Variants in BCAP31 observed in about 807,000 individuals in gnomAD.
BCAP31 encodes the protein B cell receptor associated protein 31, also known as B-cell receptor-associated protein 31.
For missense variants in BCAP31, 124 were observed against 193.0 expected (o/e 0.64, Z 2.12); for synonymous variants, 75 against 80.9 (o/e 0.93, Z 0.39).
chrX:153,715,801 C>A, intron 3 of BCAP31, 112 bp from the exon 4 acceptor site: 1 of 932,969 alleles, frequency 1.1e-6, no homozygotes, highest in South Asian at 2.2e-5. Flanking sequence ...CCCTCAAATC[C>A]GCCTCCCCAG....
At chrX:153,721,100 C>T (rs1210120796) in intron 2 of BCAP31, 128 bp from the exon 3 acceptor site, 1 of 530,070 alleles carries the variant, frequency 1.9e-6, no homozygotes, top group Non-Finnish European at 3.0e-6. Flanking sequence ...CAAAGTCAGC[C>T]TCAGTGGCTT....
In BCAP31 at chrX:153,700,575, G is replaced by C. The variant is rs1246195055; in HGVS notation, c.*362C>G. 7 of 185,614 alleles carry C rather than the reference G, an allele frequency of 3.8e-5. No homozygotes were observed. The highest frequency in any genetic ancestry group is 1.2e-4 in the African/African-American group (4 of 32,692). The allele number at this position is 185,614 out of a possible 1,213,427, so 15.3% of individuals were successfully genotyped here. A position where few individuals can be genotyped will look rare whatever the true frequency, so the allele number is the denominator to read the frequency against. On this transcript the variant is annotated 3_prime_UTR_variant, in exon 8 of 8. Coordinates refer to ENST00000345046, the MANE Select transcript of BCAP31 (RefSeq NM_001256447.2). ...CCACCCACCCTCCTGCGGGACCAAA[G>C]AAAACACCCAGAGGGCAAAACAAAA...
At chrX:153,706,304 C>A (rs1277411857) in intron 4 of BCAP31, among the ~76,000 whole-genome samples, 1 of 111,773 alleles carries the variant, frequency 8.9e-6, no homozygotes, top group Non-Finnish European at 1.9e-5. Flanking sequence ...TCATTCTCCC[C>A]CCAGGAACCT....
intron 4 of BCAP31, among the ~76,000 whole-genome samples, chrX:153,714,408 C>G (rs782023550): frequency 9.9e-5 from 11 of 111,128 alleles, no homozygotes; most frequent in African/African-American, 3.6e-4. Context: ...CTGACTCCTC[C>G]CAGCCTTCCT....
At chrX:153,711,532 G>GGCCATGAGTACCTGCTCGC (rs1212212950) in intron 4 of BCAP31, among the ~76,000 whole-genome samples, 1 of 111,932 alleles carries the variant, frequency 8.9e-6, no homozygotes, top group Non-Finnish European at 1.9e-5. Context: ...AACCTGCTCG[G>GGCCATGAGTACCTGCTCGC]GCCATGAGTA....
chrX:153,722,016 G>T (rs1250705372), intron 2 of BCAP31, among the ~76,000 whole-genome samples: 3 of 111,963 alleles, frequency 2.7e-5, no homozygotes, highest in Non-Finnish European at 5.6e-5. Flanking sequence ...TCAAATGTTT[G>T]CCCCATACAC....
At chrX:153,713,878 ATTCT>A (rs2091608534) in intron 4 of BCAP31, among the ~76,000 whole-genome samples, 4 of 74,723 alleles carry the variant, frequency 5.4e-5, no homozygotes, top group East Asian at 4.0e-4. Context: ...TCCCGATACT[ATTCT>A]TTTTTTTTTT....
intron 5 of BCAP31, 129 bp from the exon 6 acceptor site, chrX:153,703,187 G>C: frequency 1.0e-6 from 1 of 965,897 alleles, no homozygotes; most frequent in Non-Finnish European, 1.4e-6. Context: ...ATGTCAACGC[G>C]GAACCGAGCC....
At position 153,704,069 on chromosome X, in the gene BCAP31, T is replaced by C. The variant is rs1557047950; in HGVS notation, c.367A>G (p.Ile123Val). ...SFLLRRLVTL[I>V]SQQATLLASN... The stretch of plus-strand genomic sequence containing the variant: ...GCCAGCAGCGTGGCCTGCTGCGAAA[T>C]GAGAGTCACCAGGCGTCTAAGCAGG... The change falls in exon 5 of 8, where the codon ATT becomes GTT. Residue 123 changes from isoleucine (I) to valine (V), a missense_variant. Transcript: ENST00000345046. 2 of 1,210,771 alleles carry C rather than the reference T, an allele frequency of 1.7e-6. No homozygotes were observed. The highest frequency in any genetic ancestry group is 2.2e-6 in the Non-Finnish European group (2 of 894,939).
intron 3 of BCAP31, among the ~76,000 whole-genome samples, chrX:153,716,017 T>A (rs1490191662): frequency 3.7e-5 from 4 of 108,767 alleles, no homozygotes; most frequent in African/African-American, 1.0e-4. Flanking sequence ...AAAAAAAAAT[T>A]TAGCCCGGCG....
intron 4 of BCAP31, among the ~76,000 whole-genome samples, chrX:153,707,483 G>A (rs1214761141): frequency 9.0e-6 from 1 of 111,387 alleles, no homozygotes; most frequent in African/African-American, 3.3e-5. Context: ...GAGGCTGCAC[G>A]TAAGGCTGGA....
At chrX:153,723,390 C>A (rs1557051505) in intron 1 of BCAP31, 102 bp from the exon 2 acceptor site, 3 of 1,127,165 alleles carry the variant, frequency 2.7e-6, no homozygotes, top group East Asian at 3.3e-5. Context: ...CCACCCTGAC[C>A]CCCTGCACTT....
At chrX:153,711,750 CA>C (rs2091592910) in intron 4 of BCAP31, among the ~76,000 whole-genome samples, 1 of 110,121 alleles carries the variant, frequency 9.1e-6, no homozygotes, top group Non-Finnish European at 1.9e-5. Context: ...ACTAAAAATA[CA>C]AAAATTAGCC....
chrX:153,710,102 G>A (rs2091580409), intron 4 of BCAP31, among the ~76,000 whole-genome samples: 2 of 112,277 alleles, frequency 1.8e-5, no homozygotes, highest in African/African-American at 6.5e-5. Context: ...TCGAGTTGGG[G>A]GAGAGCATGT....
At chrX:153,712,533 T>C (rs1557049368) in intron 4 of BCAP31, among the ~76,000 whole-genome samples, 1 of 112,343 alleles carries the variant, frequency 8.9e-6, no homozygotes. Flanking sequence ...CATGTGGTGC[T>C]TAAAAGCCCC....
chrX:153,718,611 A>G (rs2091645072), intron 3 of BCAP31, among the ~76,000 whole-genome samples: 1 of 112,587 alleles, frequency 8.9e-6, no homozygotes, highest in Non-Finnish European at 1.9e-5. Context: ...AAATGGGATT[A>G]TGGGGAGTTT....
rs1557051450 is a variant in BCAP31, at chrX:153,723,197, G to C, written c.48C>G (p.Val16=). The C allele has an allele frequency of 8.3e-7, 1 of 1,208,575 alleles. No homozygotes were observed. The highest frequency in any genetic ancestry group is 1.1e-6 in the Non-Finnish European group (1 of 894,560). ...GAATGCAGAGAAGCAACACAACAAAGACCTCCGCATAGAGGAAGGTGGCAA... is the reference window on the plus strand; with the variant it reads ...GAATGCAGAGAAGCAACACAACAAACACCTCCGCATAGAGGAAGGTGGCAA... ...TAVATFLYAE[V]FVVLLLCIPF... Residue 16 remains valine, a synonymous_variant, in exon 2 of 8, where the codon GTC becomes GTG. Transcript: ENST00000345046.
At chrX:153,709,848 G>A (rs2091578080) in intron 4 of BCAP31, among the ~76,000 whole-genome samples, 1 of 113,115 alleles carries the variant, frequency 8.8e-6, no homozygotes, top group Non-Finnish European at 1.9e-5. Flanking sequence ...GAGCTGAACA[G>A]TCTGAAGGGG....
chrX:153,721,036 G>A lies in BCAP31; in HGVS notation c.93-64C>T, dbSNP rs372909972. ...GCACACACACGAGCTCTAGGGCCCT[G>A]AGCAAAATGGAAATCCAGCTTTGTA... On this transcript the variant is annotated intron_variant, in intron 2 of 7. Transcript: ENST00000345046. The A allele has an allele frequency of 5.8e-5, 57 of 982,199 alleles. No individual in the cohort carries two copies. In the East Asian group the frequency reaches 1.2e-3, roughly 20 times the overall value. 80.9% of individuals were successfully genotyped at this position (982,199 alleles called of 1,213,427 possible).
Sources: allele counts gnomAD v4.1 joint callset (sites outside exome capture counted in the v4.1 genomes callset), GRCh38; gene constraint gnomAD v4.1.1; transcripts MANE v1.5; gene names NCBI Gene and HGNC (gene_info 2026-07-23, HGNC 2026-07-21).